Variants in FOXN3 observed in about 807,000 individuals in gnomAD.
FOXN3 encodes the protein forkhead box protein N3.
In FOXN3, 7 loss-of-function variants were observed where a neutral mutation model predicts 38.4. The observed-to-expected ratio is 0.18, with a 90% CI of 0.10 to 0.34. The LOEUF (loss-of-function observed/expected upper bound fraction) is 0.34. FOXN3 is among the 10% of genes least tolerant of loss of function. The pLI is 1.00. For synonymous variants in FOXN3, 230 were observed against 242.2 expected, an observed-to-expected ratio of 0.95 and a Z score of 0.47; for missense variants, 456 against 613.4, an observed-to-expected ratio of 0.74 and a Z score of 2.71.
At chr14:89,438,349 T>A (rs1272773494) in intron 1 of FOXN3, among the ~76,000 whole-genome samples, 1 of 152,264 alleles carries the variant, frequency 6.6e-6, no homozygotes, top group Non-Finnish European at 1.5e-5. Context: ...ACGCCTTATA[T>A]ATGAAAGAAA....
chr14:89,618,835 C>A (rs1173503844), intron 1 of FOXN3, among the ~76,000 whole-genome samples: 2 of 151,268 alleles, frequency 1.3e-5, no homozygotes, highest in East Asian at 3.9e-4. Flanking sequence ...AGCAACTTGC[C>A]ATGGCTGGAT....
chr14:89,196,140 AAACG>A (rs1162070521), intron 4 of FOXN3, among the ~76,000 whole-genome samples: 1 of 152,220 alleles, frequency 6.6e-6, no homozygotes, highest in African/African-American at 2.4e-5. Flanking sequence ...CGAGACTGGA[AAACG>A]GTCACACGTC....
At chr14:89,417,869 G>A (rs1891796767), upstream of FOXN3, 1 of 417,556 alleles carries the variant, frequency 2.4e-6, no homozygotes, top group Non-Finnish European at 4.9e-6. Context: ...TACAAGACAA[G>A]AGGCACCGTC....
At chr14:89,199,618 C>A (rs1888184449) in intron 4 of FOXN3, among the ~76,000 whole-genome samples, 1 of 152,166 alleles carries the variant, frequency 6.6e-6, no homozygotes, top group African/African-American at 2.4e-5. Context: ...TATACAAATA[C>A]TACACTATTT....
At chr14:89,281,609 C>T (rs964123873) in intron 3 of FOXN3, among the ~76,000 whole-genome samples, 1 of 152,254 alleles carries the variant, frequency 6.6e-6, no homozygotes. Flanking sequence ...TTACCACCCA[C>T]AGTGTGGTAA....
chr14:89,284,373 A>G, intron 3 of FOXN3: 1 of 436,160 alleles, frequency 2.3e-6, no homozygotes, highest in South Asian at 1.6e-5. Context: ...TGCCCAAGAC[A>G]CTGCATGACA....
intron 1 of FOXN3, among the ~76,000 whole-genome samples, chr14:89,538,295 A>G (rs1894728270): frequency 6.6e-6 from 1 of 152,208 alleles, no homozygotes; most frequent in South Asian, 2.1e-4. Context: ...CAAGGAGCAT[A>G]ACGTACCCAG....
intron 2 of FOXN3, among the ~76,000 whole-genome samples, chr14:89,409,736 G>A (rs921112714): frequency 1.3e-5 from 2 of 152,126 alleles, no homozygotes; most frequent in African/African-American, 2.4e-5. Context: ...CTATACAGAA[G>A]CTTTAAATAC....
At chr14:89,511,203 TTTTC>T (rs1288806061) in intron 1 of FOXN3, among the ~76,000 whole-genome samples, 991 of 14,958 alleles carry the variant, frequency 0.066, 224 homozygotes, top group African/African-American at 0.099. Context: ...TCTTTCTTTC[TTTTC>T]TTTCTTTCTT....
chr14:89,597,008 A>G (rs553607847), intron 1 of FOXN3, among the ~76,000 whole-genome samples: 25 of 152,026 alleles, frequency 1.6e-4, no homozygotes, highest in Non-Finnish European at 2.8e-4. Context: ...TCAACACTGT[A>G]AAAAAAATTT....
chr14:89,386,741 G>A (rs1251918901), intron 2 of FOXN3, among the ~76,000 whole-genome samples: 1 of 152,122 alleles, frequency 6.6e-6, no homozygotes, highest in Non-Finnish European at 1.5e-5. Flanking sequence ...GGAAGTCCAA[G>A]GTCAAAGTGC....
chr14:89,556,751 G>A (rs1034658457), intron 1 of FOXN3, among the ~76,000 whole-genome samples: 3 of 152,138 alleles, frequency 2.0e-5, no homozygotes, highest in Admixed American at 2.0e-4. Context: ...CTAAGATATT[G>A]ATTCCCAAGC....
chr14:89,375,657 G>GA (rs1224689468), intron 2 of FOXN3, among the ~76,000 whole-genome samples: 1 of 152,030 alleles, frequency 6.6e-6, no homozygotes, highest in Non-Finnish European at 1.5e-5. Context: ...AGATTGCTAA[G>GA]AAAAAACTCA....
intron 1 of FOXN3, among the ~76,000 whole-genome samples, chr14:89,458,308 G>A (rs890801046): frequency 2.8e-4 from 42 of 152,230 alleles, no homozygotes; most frequent in East Asian, 9.7e-4. Context: ...TTGCAGGCTC[G>A]GCTCCCCTTG....
chr14:89,374,440 C>T (rs184173186), intron 2 of FOXN3, among the ~76,000 whole-genome samples: 228 of 152,086 alleles, frequency 1.5e-3, no homozygotes, highest in African/African-American at 5.1e-3. Flanking sequence ...TCAAGAGAAA[C>T]GAGCTCACAT....
chr14:89,277,370 C>T (rs1172893672), intron 4 of FOXN3, among the ~76,000 whole-genome samples: 1 of 152,102 alleles, frequency 6.6e-6, no homozygotes, highest in African/African-American at 2.4e-5. Flanking sequence ...GAGCTTGTCC[C>T]CTTCTAATGC....
intron 1 of FOXN3, among the ~76,000 whole-genome samples, chr14:89,464,350 A>G (rs1290820190): frequency 6.6e-6 from 1 of 152,112 alleles, no homozygotes; most frequent in East Asian, 1.9e-4. Context: ...CCCCTGATTC[A>G]TGGCCAAGAG....
intron 1 of FOXN3, among the ~76,000 whole-genome samples, chr14:89,521,372 G>A (rs1894315690): frequency 1.3e-5 from 2 of 151,808 alleles, no homozygotes; most frequent in Non-Finnish European, 2.9e-5. Context: ...GAGAGAGAGA[G>A]AGAGAGAGAG....
At chr14:89,217,638 C>G (rs1330784705) in intron 4 of FOXN3, among the ~76,000 whole-genome samples, 3 of 152,180 alleles carry the variant, frequency 2.0e-5, no homozygotes, top group African/African-American at 7.2e-5. Context: ...CACCCTAGTT[C>G]ATAGGGAGGT....
Sources: gnomAD v4.1 joint callset for allele counts (sites outside exome capture counted in the v4.1 genomes callset) on GRCh38, gnomAD v4.1.1 for gene constraint, MANE v1.5 for transcripts, NCBI Gene and HGNC (gene_info 2026-07-23, HGNC 2026-07-21) for gene names.